CLNK: variants seen among roughly 807,000 people sequenced by gnomAD.
CLNK encodes the protein cytokine-dependent hematopoietic cell linker.
In CLNK, 74 loss-of-function variants were observed where a neutral mutation model predicts 68.6. The ratio of observed to expected loss-of-function variants is 1.08; its 90% confidence interval spans 0.89 to 1.31. The LOEUF (loss-of-function observed/expected upper bound fraction) is 1.31. CLNK is among the 50% of genes most tolerant of loss of function. CLNK has a pLI of 0.00. For missense variants in CLNK, 553 were observed against 515.3 expected (o/e 1.07, Z -0.71); for synonymous variants, 198 against 172.2 (o/e 1.15, Z -1.17).
chr4:10,663,570 T>C (rs2108890314), intron 2 of CLNK, among the ~76,000 whole-genome samples: 1 of 152,328 alleles, frequency 6.6e-6, no homozygotes, highest in Non-Finnish European at 1.5e-5. Context: ...AAAACATATG[T>C]GTGCATGTGC....
At chr4:10,708,785 C>T in the CLNK span, among the ~76,000 whole-genome samples, 1 of 152,166 alleles carries the variant, frequency 6.6e-6, no homozygotes, top group Admixed American at 6.5e-5. Flanking sequence ...GAGGACGTTT[C>T]ATGCATGTTG....
intron 3 of CLNK, among the ~76,000 whole-genome samples, chr4:10,589,364 G>A (rs531607236): frequency 6.6e-6 from 1 of 152,146 alleles, no homozygotes; most frequent in African/African-American, 2.4e-5. Context: ...TTGTCTGGGA[G>A]CTTCCTCCCA....
In CLNK at chr4:10,509,251, G is replaced by A. The variant is rs74435974; in HGVS notation, c.907-1215C>T. Among the ~76,000 whole-genome samples the A allele has an allele frequency of 6.9e-3, 1,048 of 152,226 alleles. 10 individuals carry two copies. Among genetic ancestry groups the A allele is most frequent in the African/African-American group, 0.023 (968 of 41,542 alleles). Reference sequence around the variant, plus strand: ...CTGATATATTAAATACTGAGATTCTGATTCTGTTCACATGATGTGATGGAC... The same window carrying A: ...CTGATATATTAAATACTGAGATTCTAATTCTGTTCACATGATGTGATGGAC... On this transcript the variant is annotated intron_variant, in intron 16 of 18. Transcript: ENST00000226951.
intron 1 of CLNK, among the ~76,000 whole-genome samples, chr4:10,671,921 T>G (rs1724659322): frequency 6.6e-6 from 1 of 152,184 alleles, no homozygotes; most frequent in Admixed American, 6.5e-5. Flanking sequence ...CTAAAGAAGC[T>G]TAGTCTAAGA....
intron 8 of CLNK, among the ~76,000 whole-genome samples, chr4:10,546,157 G>T (rs1577120430): frequency 6.6e-6 from 1 of 152,172 alleles, no homozygotes; most frequent in East Asian, 1.9e-4. Context: ...TGGTCACTGG[G>T]ATATACCCTT....
At chr4:10,654,503 AC>A (rs977950004) in intron 2 of CLNK, among the ~76,000 whole-genome samples, 3 of 150,238 alleles carry the variant, frequency 2.0e-5, no homozygotes, top group Non-Finnish European at 4.4e-5. Context: ...TAGAGCATTT[AC>A]CTCAAGATTT....
intron 2 of CLNK, among the ~76,000 whole-genome samples, chr4:10,622,671 C>T (rs1722503550): frequency 6.6e-6 from 1 of 152,188 alleles, no homozygotes; most frequent in South Asian, 2.1e-4. Flanking sequence ...CAAATTCATA[C>T]TATGAAATTT....
chr4:10,556,093 TTTACA>T (rs1317698802), intron 8 of CLNK, among the ~76,000 whole-genome samples: 59 of 152,342 alleles, frequency 3.9e-4, no homozygotes, highest in African/African-American at 1.4e-3. Context: ...TGGAGTCTGC[TTTACA>T]AAACGCTCAT....
chr4:10,621,325 T>C (rs1266806471), intron 2 of CLNK, among the ~76,000 whole-genome samples: 3 of 152,198 alleles, frequency 2.0e-5, no homozygotes, highest in Admixed American at 6.5e-5. Context: ...ATTTGTCTTC[T>C]AATTGCAGCC....
At chr4:10,561,355 C>A (rs1218517035) in intron 7 of CLNK, among the ~76,000 whole-genome samples, 1 of 152,080 alleles carries the variant, frequency 6.6e-6, no homozygotes, top group Non-Finnish European at 1.5e-5. Context: ...GCAAAGTGAT[C>A]TAGCCAAAGG....
At chr4:10,727,906 G>C in the CLNK span, among the ~76,000 whole-genome samples, 1 of 152,230 alleles carries the variant, frequency 6.6e-6, no homozygotes, top group Non-Finnish European at 1.5e-5. Flanking sequence ...AAAATCTGAA[G>C]ATGGGGCTTA....
In CLNK at chr4:10,498,446, C is replaced by T. The variant is rs147428615; in HGVS notation, c.1140+2810G>A. On this transcript the variant is annotated intron_variant, in intron 18 of 18. Coordinates refer to ENST00000226951, the MANE Select transcript of CLNK (RefSeq NM_052964.4). ...GGCGGAGTTTGCAGTGAGCCGAGAT[C>T]GCGCCACTGCACTCCAGCCTGGGTG... Among the ~76,000 whole-genome samples, 1,267 of 152,208 alleles carry T rather than the reference C, an allele frequency of 8.3e-3. 11 individuals are homozygous for T. Among genetic ancestry groups the T allele is most frequent in the Middle Eastern group, 0.037 (11 of 294 alleles).
intron 2 of CLNK, among the ~76,000 whole-genome samples, chr4:10,646,272 T>A (rs1723507834): frequency 1.3e-5 from 2 of 152,182 alleles, no homozygotes; most frequent in Non-Finnish European, 2.9e-5. Context: ...CAAATTCTAA[T>A]TTCATTTCCA....
intron 18 of CLNK, among the ~76,000 whole-genome samples, chr4:10,496,488 G>A (rs1255461320): frequency 6.6e-6 from 1 of 152,170 alleles, no homozygotes; most frequent in Non-Finnish European, 1.5e-5. Context: ...TCCCTCAGAG[G>A]GAAGGCAGGA....
chr4:10,696,619 C>T, the CLNK span, among the ~76,000 whole-genome samples: 4 of 152,170 alleles, frequency 2.6e-5, no homozygotes, highest in Non-Finnish European at 5.9e-5. Flanking sequence ...AGGAGAAGAG[C>T]ACCACAAGAA....
upstream of CLNK, among the ~76,000 whole-genome samples, chr4:10,686,851 A>G (rs954672101): frequency 1.3e-5 from 2 of 152,148 alleles, no homozygotes; most frequent in South Asian, 4.1e-4. Context: ...TGAAGAATTG[A>G]AGACAATTTG....
the CLNK span, among the ~76,000 whole-genome samples, chr4:10,715,436 T>C: frequency 6.6e-6 from 1 of 152,202 alleles, no homozygotes; most frequent in Non-Finnish European, 1.5e-5. Context: ...AGTTCTCTTA[T>C]TTTCAAAATA....
chr4:10,656,754 C>A (rs1577201048), intron 2 of CLNK, among the ~76,000 whole-genome samples: 1 of 152,282 alleles, frequency 6.6e-6, no homozygotes, highest in South Asian at 2.1e-4. Context: ...GACATGTAAA[C>A]TGGATTGTTC....
At chr4:10,677,038 C>A (rs1187302962) in intron 1 of CLNK, among the ~76,000 whole-genome samples, 2 of 149,324 alleles carry the variant, frequency 1.3e-5, no homozygotes, top group Non-Finnish European at 3.0e-5. Context: ...TAGAGGCAGG[C>A]ACTTCTAGGC....
Sources: gnomAD v4.1 joint callset for allele counts (sites outside exome capture counted in the v4.1 genomes callset) on GRCh38, gnomAD v4.1.1 for gene constraint, MANE v1.5 for transcripts, NCBI Gene and HGNC (gene_info 2026-07-23, HGNC 2026-07-21) for gene names.